BCAS1: variants seen among roughly 807,000 people sequenced by gnomAD.
BCAS1 encodes brain enriched myelin associated protein 1.
BCAS1 carries 46 observed loss-of-function variants against 65.4 expected under a neutral mutation model. The ratio of observed to expected loss-of-function variants is 0.70; its 90% confidence interval spans 0.55 to 0.90. BCAS1 has a LOEUF of 0.90. Ranked by LOEUF, BCAS1 falls within the 40% of genes least tolerant of loss-of-function variation. The pLI is 0.00. For synonymous variants in BCAS1, 298 were observed against 293.5 expected (o/e 1.02, Z -0.16); for missense variants, 793 against 771.2 (o/e 1.03, Z -0.33).
intron 1 of BCAS1, among the ~76,000 whole-genome samples, chr20:54,061,301 A>G (rs2092374104): frequency 6.6e-6 from 1 of 152,166 alleles, no homozygotes; most frequent in Non-Finnish European, 1.5e-5. Context: ...AACCTCCAAG[A>G]CCCACCAAGG....
intron 9 of BCAS1, among the ~76,000 whole-genome samples, chr20:53,969,528 T>C (rs2090125789): frequency 6.6e-6 from 1 of 152,208 alleles, no homozygotes. Flanking sequence ...GCCAGAGTCT[T>C]ACCACAGATA....
intron 1 of BCAS1, among the ~76,000 whole-genome samples, chr20:54,061,788 C>T (rs931674328): frequency 5.9e-5 from 9 of 152,110 alleles, no homozygotes; most frequent in African/African-American, 1.2e-4. Context: ...TTATAAAATC[C>T]GTGACTCACA....
intron 3 of BCAS1, among the ~76,000 whole-genome samples, chr20:54,057,841 C>T (rs920029741): frequency 2.0e-5 from 3 of 152,202 alleles, no homozygotes; most frequent in African/African-American, 7.2e-5. Context: ...CCCTGATGAC[C>T]CGCAGAAGGA....
At chr20:53,951,339 C>T (rs1004076557) in intron 12 of BCAS1, among the ~76,000 whole-genome samples, 8 of 152,076 alleles carry the variant, frequency 5.3e-5, no homozygotes, top group Admixed American at 1.3e-4. Context: ...GGCGTGGTGG[C>T]GCATGCCTGT....
chr20:53,973,564 C>A (rs915410030), intron 9 of BCAS1, among the ~76,000 whole-genome samples: 7 of 152,344 alleles, frequency 4.6e-5, no homozygotes, highest in Non-Finnish European at 1.0e-4. Flanking sequence ...AGCAACTACA[C>A]ACAAACATCC....
chr20:53,959,117 G>A (rs1422558886), intron 10 of BCAS1, among the ~76,000 whole-genome samples: 1 of 151,958 alleles, frequency 6.6e-6, no homozygotes, highest in Non-Finnish European at 1.5e-5. Context: ...TAAGAGACAG[G>A]GTCCCATTCT....
chr20:53,951,189 A>G (rs2276516), intron 12 of BCAS1, among the ~76,000 whole-genome samples: 26,103 of 152,160 alleles, frequency 0.17, 2,930 homozygotes, highest in East Asian at 0.42. Context: ...CGTGTAAACT[A>G]AGACCAGGCA....
intron 12 of BCAS1, among the ~76,000 whole-genome samples, chr20:53,950,900 T>C (rs1239342297): frequency 3.9e-5 from 6 of 152,196 alleles, no homozygotes; most frequent in Non-Finnish European, 8.8e-5. Context: ...TGAATGAACA[T>C]GGCAATGTTC....
At chr20:54,046,659 A>G (rs1364351309) in intron 3 of BCAS1, among the ~76,000 whole-genome samples, 1 of 151,850 alleles carries the variant, frequency 6.6e-6, no homozygotes, top group African/African-American at 2.4e-5. Flanking sequence ...AGCCTGGCCA[A>G]CATGGTGAAA....
intron 4 of BCAS1, among the ~76,000 whole-genome samples, chr20:54,015,408 G>A (rs889010846): frequency 1.3e-5 from 2 of 151,948 alleles, no homozygotes; most frequent in African/African-American, 4.8e-5. Flanking sequence ...TATTAATGTA[G>A]GTAATTCTGT....
At chr20:53,999,904 A>C (rs1296100697) in intron 4 of BCAS1, among the ~76,000 whole-genome samples, 1 of 151,570 alleles carries the variant, frequency 6.6e-6, no homozygotes, top group African/African-American at 2.4e-5. Flanking sequence ...TAATTTTTGT[A>C]TTTTCAGTAG....
At chr20:53,996,142 CT>C (rs2090903188) in intron 4 of BCAS1, 92 bp from the exon 5 acceptor site, 4 of 1,349,434 alleles carry the variant, frequency 3.0e-6, no homozygotes, top group Non-Finnish European at 4.0e-6. Context: ...CTCTTACCCC[CT>C]AATTCCAGCC....
At chr20:54,067,298 C>T (rs1179359715) in intron 1 of BCAS1, among the ~76,000 whole-genome samples, 1 of 152,190 alleles carries the variant, frequency 6.6e-6, no homozygotes, top group Non-Finnish European at 1.5e-5. Flanking sequence ...ATCGCTTGAA[C>T]CCAGGAAGCG....
intron 10 of BCAS1, among the ~76,000 whole-genome samples, chr20:53,962,655 T>C (rs556125594): frequency 6.1e-5 from 8 of 130,982 alleles, no homozygotes; most frequent in Admixed American, 1.4e-4. Context: ...GCTGAATTAA[T>C]ATGTATAAGA....
intron 4 of BCAS1, among the ~76,000 whole-genome samples, chr20:54,009,197 G>T (rs1291177178): frequency 6.6e-6 from 1 of 152,180 alleles, no homozygotes; most frequent in East Asian, 1.9e-4. Flanking sequence ...AAAATAGAAA[G>T]CCCCAGCAAA....
At chr20:54,050,713 G>T (rs55832546) in intron 3 of BCAS1, among the ~76,000 whole-genome samples, 1 of 152,094 alleles carries the variant, frequency 6.6e-6, no homozygotes, top group Non-Finnish European at 1.5e-5. Flanking sequence ...GGCCGTCCAC[G>T]CTCTGCCTCC....
chr20:53,979,709 G>A (rs1435630859), intron 8 of BCAS1, among the ~76,000 whole-genome samples: 1 of 152,192 alleles, frequency 6.6e-6, no homozygotes, highest in Non-Finnish European at 1.5e-5. Context: ...CACCTATCTT[G>A]GATTCCTAGA....
intron 3 of BCAS1, among the ~76,000 whole-genome samples, chr20:54,041,932 G>C (rs73130898): frequency 1.3e-5 from 1 of 75,412 alleles, no homozygotes; most frequent in Non-Finnish European, 2.8e-5. Flanking sequence ...AAAAAAAAAA[G>C]AACAGCCATA....
At chr20:53,949,024 T>C (rs1234979260) in intron 12 of BCAS1, among the ~76,000 whole-genome samples, 2 of 152,110 alleles carry the variant, frequency 1.3e-5, no homozygotes, top group African/African-American at 4.8e-5. Context: ...TAAACCTGCC[T>C]GCAGATTGCG....
Sources: gnomAD v4.1 joint callset for allele counts (sites outside exome capture counted in the v4.1 genomes callset) on GRCh38, gnomAD v4.1.1 for gene constraint, MANE v1.5 for transcripts, NCBI Gene and HGNC (gene_info 2026-07-23, HGNC 2026-07-21) for gene names.